The following CNTNAP3 variants were observed in gnomAD, a reference collection of about 807,000 sequenced individuals.
CNTNAP3 encodes the protein contactin-associated protein-like 3.
CNTNAP3 carries 36 observed loss-of-function variants against 92.1 expected under a neutral mutation model. The observed-to-expected ratio is 0.39, with a 90% CI of 0.30 to 0.52. The LOEUF (loss-of-function observed/expected upper bound fraction) is 0.52. Among genes scored for constraint, CNTNAP3 ranks in the 20% least tolerant of loss-of-function variants. The probability of loss-of-function intolerance (pLI) is 0.76; values close to 1 mark genes in which losing one functional copy is unlikely to be tolerated. For synonymous variants in CNTNAP3, 232 were observed against 422.3 expected, an observed-to-expected ratio of 0.55 and a Z score of 5.53; for missense variants, 534 against 1,069.6, an observed-to-expected ratio of 0.50 and a Z score of 6.98.
At chr9:39,146,737 CCATT>C (rs1387102484) in intron 10 of CNTNAP3, among the ~76,000 whole-genome samples, 2 of 151,748 alleles carry the variant, frequency 1.3e-5, no homozygotes, top group African/African-American at 2.4e-5. Context: ...ACATAAACAT[CCATT>C]ATTTGTGACT....
At chr9:39,085,495 T>C in intron 21 of CNTNAP3, 1 of 511,300 alleles carries the variant, frequency 2.0e-6, no homozygotes, top group Non-Finnish European at 3.5e-6. Flanking sequence ...TCATTATGCA[T>C]GATTGCCAAG....
chr9:39,107,871 G>A (rs1010998159), intron 15 of CNTNAP3, among the ~76,000 whole-genome samples: 3 of 152,074 alleles, frequency 2.0e-5, no homozygotes, highest in East Asian at 1.9e-4. Flanking sequence ...GTCAAAATAA[G>A]CATATTTCAT....
At chr9:39,140,683 G>A (rs773390539) in intron 11 of CNTNAP3, 45 bp from the exon 12 acceptor site, 1 of 1,547,680 alleles carries the variant, frequency 6.5e-7, no homozygotes, top group Non-Finnish European at 8.7e-7. Context: ...AATATCTCCA[G>A]ATGTTGAGTC....
intron 8 of CNTNAP3, among the ~76,000 whole-genome samples, chr9:39,168,504 C>T (rs554564981): frequency 1.6e-4 from 12 of 74,260 alleles, no homozygotes; most frequent in African/African-American, 6.3e-4. Context: ...GCAGCAGTAA[C>T]ATCTTACTGA....
At chr9:39,099,103 T>C (rs1826392315) in intron 18 of CNTNAP3, among the ~76,000 whole-genome samples, 1 of 151,800 alleles carries the variant, frequency 6.6e-6, no homozygotes, top group Admixed American at 6.6e-5. Flanking sequence ...GCCTCCCGAG[T>C]AGCTGGGATG....
At position 39,114,011 on chromosome 9, in the gene CNTNAP3, CACACATATATATACACACATATAT is replaced by C. The variant is rs1290737479; in HGVS notation, c.2237+4068_2237+4091del. Among the ~76,000 whole-genome samples the C allele has an allele frequency of 5.6e-3, 834 of 149,464 alleles. 10 individuals carry two copies. The highest frequency in any genetic ancestry group is 0.02 in the African/African-American group (795 of 40,182). On this transcript the variant is annotated intron_variant, in intron 14 of 23. Transcript: ENST00000297668. ...ATATATACACACACACATATATATA[CACACATATATATACACACATATAT>C]ACACACACACACACACACACATATA... is the stretch of plus-strand genomic sequence containing the variant.
chr9:39,127,765 T>C (rs1821184117), intron 13 of CNTNAP3, among the ~76,000 whole-genome samples: 1 of 152,190 alleles, frequency 6.6e-6, no homozygotes, highest in Non-Finnish European at 1.5e-5. Flanking sequence ...ATTGAATTCA[T>C]AATTTAAAAT....
chr9:39,102,150 T>G (rs915378337), intron 17 of CNTNAP3, among the ~76,000 whole-genome samples: 2 of 152,184 alleles, frequency 1.3e-5, no homozygotes, highest in African/African-American at 4.8e-5. Flanking sequence ...TGGTGGCACC[T>G]GCGCCTGTAA....
At chr9:39,149,422 T>G (rs1225219302) in intron 10 of CNTNAP3, among the ~76,000 whole-genome samples, 1 of 151,930 alleles carries the variant, frequency 6.6e-6, no homozygotes, top group Non-Finnish European at 1.5e-5. Context: ...CGATCTCTGC[T>G]CACTGCAAGC....
chr9:39,088,138 G>A (rs1826105464), intron 19 of CNTNAP3, among the ~76,000 whole-genome samples: 1 of 151,904 alleles, frequency 6.6e-6, no homozygotes, highest in Admixed American at 6.6e-5. Context: ...ACCAATTTGA[G>A]TCATCATGTA....
chr9:39,112,165 TTTTA>T (rs1431068944), intron 14 of CNTNAP3, among the ~76,000 whole-genome samples: 1 of 151,602 alleles, frequency 6.6e-6, no homozygotes, highest in Non-Finnish European at 1.5e-5. Flanking sequence ...GACTTTTTGC[TTTTA>T]TTTTATATTT....
chr9:39,112,222 A>G (rs181330875), intron 14 of CNTNAP3, among the ~76,000 whole-genome samples: 1,830 of 151,970 alleles, frequency 0.012, 40 homozygotes, highest in African/African-American at 0.041. Flanking sequence ...GGTTCTGGAA[A>G]TTGTACTTTC....
At position 39,132,946 on chromosome 9, in the gene CNTNAP3, C is replaced by A. The variant is rs551656801; in HGVS notation, c.2066G>T (p.Arg689Leu). The A allele has an allele frequency of 1.3e-6, 2 of 1,545,492 alleles. No individual in the cohort carries two copies. The highest frequency in any genetic ancestry group is 1.7e-6 in the Non-Finnish European group (2 of 1,155,784). ...RLALRCGTARRPDSRDGTPLS... is the reference protein window; with the variant it reads ...RLALRCGTARLPDSRDGTPLS... ...GTGGCGCTTACCTCGTGAGTCCGGG[C>A]GCCGCGCCGTCCCGCAGCGCAGAGC... The change falls in exon 13 of 24, where the codon CGC becomes CTC. Residue 689 changes from arginine (R) to leucine (L), a missense_variant. Arg to Leu is a moderately radical substitution (Grantham distance 102). Transcript: ENST00000297668.
chr9:39,103,676 T>C (rs1328678659), intron 16 of CNTNAP3, 68 bp downstream of exon 16: 4 of 1,461,356 alleles, frequency 2.7e-6, no homozygotes, highest in African/African-American at 2.8e-5. Context: ...TACTAACATT[T>C]TGTTGAGTTA....
In CNTNAP3 at chr9:39,066,560, T is replaced by G. The variant is rs962888578; in HGVS notation, c.*7330A>C. Reference sequence around the variant, plus strand: ...CAGGTTTGCTGATAATATATTACTTTTAACTTTTCTATGTCTGAAAAATAT... The same window carrying G: ...CAGGTTTGCTGATAATATATTACTTGTAACTTTTCTATGTCTGAAAAATAT... On this transcript the variant is annotated 3_prime_UTR_variant, in exon 24 of 24. Transcript: ENST00000297668. 6.6e-6 allele frequency among the ~76,000 whole-genome samples: 1 copy of G among 152,286 alleles called. No homozygotes were observed. Among genetic ancestry groups the G allele is most frequent in the Non-Finnish European group, 1.5e-5 (1 of 68,052 alleles).
intron 11 of CNTNAP3, 137 bp downstream of exon 11, chr9:39,144,103 A>G: frequency 7.1e-7 from 1 of 1,408,986 alleles, no homozygotes; most frequent in Non-Finnish European, 9.4e-7. Flanking sequence ...GATTAAAAGT[A>G]AACTAGAAAT....
In CNTNAP3 at chr9:39,079,049, C is replaced by A. The variant is rs1025623288; in HGVS notation, c.3443-129G>T. ...GAGAGGTCCCTCCGAACCCCTCGTT[C>A]CTTCACTCCAGGAGAGGTCACCGTG... On this transcript the variant is annotated intron_variant, in intron 21 of 23. Transcript: ENST00000297668. 2.2e-5 allele frequency: 31 copies of A among 1,433,682 alleles called. No homozygotes were observed. The African/African-American group carries it at 4.4e-4, about 20-fold the overall frequency. The allele number at this position is 1,433,682 out of a possible 1,614,324, so 88.8% of individuals were successfully genotyped here. A position where few individuals can be genotyped will look rare whatever the true frequency, so the allele number is the denominator to read the frequency against.
intron 18 of CNTNAP3, among the ~76,000 whole-genome samples, chr9:39,099,416 T>C (rs1826400727): frequency 6.6e-6 from 1 of 152,196 alleles, no homozygotes; most frequent in African/African-American, 2.4e-5. Context: ...GTATGCTTGT[T>C]TTATAAGAAA....
chr9:39,091,200 A>C (rs1826191884), intron 18 of CNTNAP3, among the ~76,000 whole-genome samples: 1 of 142,806 alleles, frequency 7.0e-6, no homozygotes, highest in Admixed American at 7.0e-5. Flanking sequence ...TTTCTTGCCT[A>C]ATCAGTCTGG....
Sources: gnomAD v4.1 joint callset for allele counts (sites outside exome capture counted in the v4.1 genomes callset) on GRCh38, gnomAD v4.1.1 for gene constraint, MANE v1.5 for transcripts, NCBI Gene and HGNC (gene_info 2026-07-23, HGNC 2026-07-21) for gene names.